Variants in ZNF518A observed in about 807,000 individuals in gnomAD.
ZNF518A encodes the protein zinc finger protein 518.
ZNF518A carries 47 observed loss-of-function variants against 102.7 expected under a neutral mutation model. The observed-to-expected ratio is 0.46, with a 90% CI of 0.36 to 0.58. The LOEUF (loss-of-function observed/expected upper bound fraction) is 0.58. ZNF518A is among the 20% of genes least tolerant of loss of function. ZNF518A has a pLI of 0.00. For synonymous variants in ZNF518A, 652 were observed against 594.6 expected (o/e 1.10, Z -1.40); for missense variants, 1,793 against 1,699.8 (o/e 1.05, Z -0.96).
At position 96,156,549 on chromosome 10, in the gene ZNF518A, G is replaced by A. The variant is rs2082702108; in HGVS notation, c.227G>A (p.Ser76Asn). ...GACAAATACAGAAAATTATTTCAGA[G>A]TAAACAGCAGACTGCAAGAAAATCT... The part of the protein sequence containing the change: ...EVDKYRKLFQ[S>N]KQQTARKSIS... Residue 76 changes from serine to asparagine, a missense_variant, in exon 6 of 6, where the codon AGT (serine) becomes AAT (asparagine). Transcript: ENST00000316045. 3 of 1,612,736 alleles carry A rather than the reference G, an allele frequency of 1.9e-6. No homozygotes were observed. The highest frequency in any genetic ancestry group is 2.5e-6 in the Non-Finnish European group (3 of 1,179,436).
intron 1 of ZNF518A, among the ~76,000 whole-genome samples, chr10:96,173,772 A>G (rs1367782927): frequency 1.3e-5 from 2 of 152,188 alleles, no homozygotes; most frequent in African/African-American, 2.4e-5. Flanking sequence ...ACTACAAACT[A>G]GATCTACTAC....
At chr10:96,174,188 T>C (rs1203069671) in intron 1 of ZNF518A, among the ~76,000 whole-genome samples, 1 of 151,262 alleles carries the variant, frequency 6.6e-6, no homozygotes, top group Non-Finnish European at 1.5e-5. Flanking sequence ...ATGGTAACTT[T>C]TATGTATACT....
exon 2 of ZNF518A, chr10:96,203,600 C>G (rs1488241706): frequency 6.5e-6 from 1 of 152,782 alleles, no homozygotes; most frequent in Non-Finnish European, 1.5e-5. Context: ...GAAAAATTAT[C>G]CAGATATTTG....
chr10:96,186,421 C>T (rs183232742), intron 1 of ZNF518A, among the ~76,000 whole-genome samples: 24 of 151,472 alleles, frequency 1.6e-4, no homozygotes, highest in Admixed American at 2.6e-4. Flanking sequence ...TTTTTTTTGA[C>T]GGAGTCTCTC....
At position 96,159,332 on chromosome 10, in the gene ZNF518A, G is replaced by T. The variant is rs782447071; in HGVS notation, c.3010G>T (p.Val1004Leu). 1 of 1,613,688 alleles carries T rather than the reference G, an allele frequency of 6.2e-7. No homozygotes were observed. ...KTEGAPARGT[V>L]TKEPCKTPIL... is the part of the protein sequence containing the mutation. ...CGAGGGTGCCCCAGCTCGTGGAACTGTGACTAAGGAGCCTTGCAAAACACC... is the reference window on the plus strand; with the variant it reads ...CGAGGGTGCCCCAGCTCGTGGAACTTTGACTAAGGAGCCTTGCAAAACACC... The change falls in exon 6 of 6, where the codon GTG becomes TTG. Residue 1004 changes from valine (V) to leucine (L), a missense_variant. Transcript: ENST00000316045.
intron 1 of ZNF518A, among the ~76,000 whole-genome samples, chr10:96,178,543 A>G (rs2083219112): frequency 6.6e-6 from 1 of 152,066 alleles, no homozygotes; most frequent in Non-Finnish European, 1.5e-5. Flanking sequence ...ATCTTAAGAA[A>G]GTATGGAAAG....
At chr10:96,195,065 G>A (rs1027909276) in intron 1 of ZNF518A, among the ~76,000 whole-genome samples, 5 of 152,000 alleles carry the variant, frequency 3.3e-5, no homozygotes, top group African/African-American at 7.2e-5. Flanking sequence ...CACCGCGCCC[G>A]GCCAGAGAAA....
downstream of ZNF518A, among the ~76,000 whole-genome samples, chr10:96,168,126 A>G (rs1417985268): frequency 6.6e-6 from 1 of 152,198 alleles, no homozygotes; most frequent in South Asian, 2.1e-4. Context: ...ACAGATATAC[A>G]TTGTCTTGCT....
intron 1 of ZNF518A, chr10:96,191,916 A>C: frequency 6.2e-7 from 1 of 1,608,696 alleles, no homozygotes; most frequent in Non-Finnish European, 8.5e-7. Flanking sequence ...TTTTTCTCAA[A>C]AGGAGAAACT....
chr10:96,150,743 CTTTTT>C (rs10675397), intron 3 of ZNF518A, among the ~76,000 whole-genome samples: 5 of 30,292 alleles, frequency 1.7e-4, no homozygotes, highest in African/African-American at 4.1e-4. Flanking sequence ...TCTTTCTTTC[CTTTTT>C]TTTTTTTTTT....
At chr10:96,171,476 C>A (rs2083173144) in intron 1 of ZNF518A, among the ~76,000 whole-genome samples, 1 of 152,054 alleles carries the variant, frequency 6.6e-6, no homozygotes, top group Non-Finnish European at 1.5e-5. Flanking sequence ...AGAATAGGCA[C>A]ATTTACAAAG....
At chr10:96,141,748 ATTT>A (rs11361841) in intron 3 of ZNF518A, among the ~76,000 whole-genome samples, 95 of 125,036 alleles carry the variant, frequency 7.6e-4, no homozygotes, top group Non-Finnish European at 9.5e-4. Flanking sequence ...TTTCTTCTTC[ATTT>A]TTTTTTTTTT....
At chr10:96,135,274 A>C (rs2081542292) in intron 3 of ZNF518A, 1 of 152,210 alleles carries the variant, frequency 6.6e-6, no homozygotes, top group African/African-American at 2.4e-5. Context: ...TGCCAGTTTC[A>C]ATCTCAGGGA....
At position 96,130,427 on chromosome 10, in the gene ZNF518A, C is replaced by T. The variant is rs17385409; in HGVS notation, c.-778C>T. Among the ~76,000 whole-genome samples the T allele has an allele frequency of 6.6e-3, 1,013 of 152,380 alleles. 8 individuals are homozygous for T. Among genetic ancestry groups the T allele is most frequent in the Non-Finnish European group, 7.8e-3 (529 of 68,042 alleles). On this transcript the variant is annotated 5_prime_UTR_variant, in exon 1 of 6. Coordinates refer to ENST00000316045, the MANE Select transcript of ZNF518A (RefSeq NM_001330736.2). ...CCGGGCTTTTTGAACTCTACACTCT[C>T]CTACATTCTAGGAGCTGGGTGGGAG...
intron 3 of ZNF518A, among the ~76,000 whole-genome samples, chr10:96,149,857 A>G (rs1296686246): frequency 6.6e-6 from 1 of 152,136 alleles, no homozygotes; most frequent in East Asian, 1.9e-4. Flanking sequence ...TTTTCCTCAA[A>G]GAGTACATAT....
At chr10:96,142,017 T>C (rs1279820881) in intron 3 of ZNF518A, among the ~76,000 whole-genome samples, 5 of 152,184 alleles carry the variant, frequency 3.3e-5, no homozygotes, top group Non-Finnish European at 7.4e-5. Context: ...GCTGGGATTA[T>C]AGGCCTGAGC....
At chr10:96,142,218 C>T (rs2081960450) in intron 3 of ZNF518A, among the ~76,000 whole-genome samples, 1 of 151,744 alleles carries the variant, frequency 6.6e-6, no homozygotes, top group Non-Finnish European at 1.5e-5. Context: ...AAAAAGTAAG[C>T]CCAAAATGTT....
chr10:96,153,311 A>ACT (rs1554881004), intron 3 of ZNF518A, among the ~76,000 whole-genome samples: 1 of 152,180 alleles, frequency 6.6e-6, no homozygotes, highest in Non-Finnish European at 1.5e-5. Flanking sequence ...CAGTCTACTG[A>ACT]CTCACATCCT....
At chr10:96,198,733 T>C (rs1338177938) in intron 1 of ZNF518A, among the ~76,000 whole-genome samples, 4 of 152,204 alleles carry the variant, frequency 2.6e-5, no homozygotes, top group African/African-American at 9.6e-5. Flanking sequence ...AGTCTCACTC[T>C]TGTTGCCCAG....
Sources: allele counts gnomAD v4.1 joint callset (sites outside exome capture counted in the v4.1 genomes callset), GRCh38; gene constraint gnomAD v4.1.1; transcripts MANE v1.5; gene names NCBI Gene and HGNC (gene_info 2026-07-23, HGNC 2026-07-21).